Variants in PLAU observed in about 807,000 individuals in gnomAD.
PLAU encodes the protein plasminogen activator, urokinase.
A neutral mutation model predicts 48.9 loss-of-function variants in PLAU; 32 were observed. That is an observed-to-expected ratio of 0.65 (90% CI 0.49 to 0.88). PLAU has a LOEUF of 0.88. Ranked by LOEUF, PLAU falls within the 40% of genes least tolerant of loss-of-function variation. The probability of loss-of-function intolerance (pLI) is 0.00; values close to 1 mark genes in which losing one functional copy is unlikely to be tolerated. For missense variants in PLAU, 455 were observed against 545.2 expected (o/e 0.83, Z 1.65); for synonymous variants, 199 against 205.7 (o/e 0.97, Z 0.28).
chr10:73,915,461 T>C lies in PLAU; in HGVS notation c.1119+62T>C, dbSNP rs2227583. 8.3e-3 allele frequency: 12,337 copies of C among 1,488,076 alleles called. 114 individuals carry two copies. Among genetic ancestry groups the C allele is most frequent in the Middle Eastern group, 0.043 (173 of 3,994 alleles). The allele number at this position is 1,488,076 out of a possible 1,614,324, so 92.2% of individuals were successfully genotyped here. On this transcript the variant is annotated intron_variant, in intron 10 of 10. Transcript: ENST00000372764. ...ATCTCCCCAGAGCTCCTGGGCTTGT[T>C]CCAGCCAGCTTAAGGGTGTCTCTCT... is the stretch of plus-strand genomic sequence containing the variant.
upstream of PLAU, chr10:73,910,506 C>G (rs1035779802): frequency 6.6e-6 from 1 of 152,264 alleles, no homozygotes; most frequent in Non-Finnish European, 1.5e-5. Flanking sequence ...TGCCTTTCCC[C>G]CTCTGATAGC....
chr10:73,915,487 C>G, intron 10 of PLAU, 88 bp downstream of exon 10: 2 of 1,287,204 alleles, frequency 1.6e-6, no homozygotes, highest in Admixed American at 2.5e-5. Context: ...GTGTCTCTCT[C>G]TAGCCAAAGC....
rs199700503 is a variant in PLAU, at chr10:73,916,521, T to G, written c.1252T>G (p.Trp418Gly). 6.2e-7 allele frequency: 1 copy of G among 1,613,850 alleles called. No homozygotes were observed. Among genetic ancestry groups the G allele is most frequent in the Non-Finnish European group, 8.5e-7 (1 of 1,179,918 alleles). ...CACGAGAGTCTCACACTTCTTACCC[T>G]GGATCCGCAGTCACACCAAGGAAGA... ...VYTRVSHFLP[W>G]IRSHTKEENG... Residue 418 changes from tryptophan to glycine, a missense_variant, in exon 11 of 11, where the codon TGG becomes GGG. Transcript: ENST00000372764.
chr10:73,915,118 G>T, intron 9 of PLAU, 133 bp from the exon 10 acceptor site: 1 of 1,097,048 alleles, frequency 9.1e-7, no homozygotes, highest in Non-Finnish European at 1.3e-6. Context: ...TATAGGTGGA[G>T]TAAAGGCTCA....
upstream of PLAU, chr10:73,911,127 G>C (rs2096122803): frequency 4.9e-6 from 1 of 203,834 alleles, no homozygotes; most frequent in African/African-American, 2.4e-5. Flanking sequence ...GCCGCGGGTC[G>C]CAGCACAGTG....
chr10:73,911,381 G>A, intron 1 of PLAU, 144 bp from the exon 2 acceptor site: 3 of 907,144 alleles, frequency 3.3e-6, no homozygotes, highest in Non-Finnish European at 5.2e-6. Flanking sequence ...TGCCGATCCA[G>A]GCTGCCCGGA....
upstream of PLAU, among the ~76,000 whole-genome samples, chr10:73,909,459 T>G (rs2096120407): frequency 6.6e-6 from 1 of 152,234 alleles, no homozygotes; most frequent in South Asian, 2.1e-4. Flanking sequence ...CCTGGAAGGC[T>G]GGCAGCTCAG....
chr10:73,911,671 A>G (rs1456356167), intron 2 of PLAU, 59 bp downstream of exon 2: 1 of 1,603,834 alleles, frequency 6.2e-7, no homozygotes, highest in Admixed American at 1.7e-5. Flanking sequence ...GCACCAGGGG[A>G]GAGGAGGGGC....
chr10:73,915,491 C>T (rs2136191377), intron 10 of PLAU, 92 bp downstream of exon 10: 1 of 1,267,190 alleles, frequency 7.9e-7, no homozygotes, highest in South Asian at 1.5e-5. Flanking sequence ...CTCTCTCTAG[C>T]CAAAGCCCTA....
In PLAU at chr10:73,913,105, T is replaced by TG. The variant is rs771785034; in HGVS notation, c.368+12dup. The stretch of plus-strand genomic sequence containing the variant: ...GGAAACATAATTACTGCAGGTGAGG[T>TG]GGGGGCAACAAGGACCAAAAGCCCT... On this transcript the variant is annotated splice_region_variant and intron_variant, in intron 5 of 10. Transcript: ENST00000372764. The TG allele has an allele frequency of 1.2e-6, 2 of 1,612,274 alleles. No individual in the cohort carries two copies. The highest frequency in any genetic ancestry group is 3.4e-5 in the Admixed American group (2 of 59,698).
At chr10:73,916,249 G>A (rs370446684) in intron 10 of PLAU, 140 bp from the exon 11 acceptor site, 43 of 770,192 alleles carry the variant, frequency 5.6e-5, no homozygotes, top group Middle Eastern at 3.4e-4. Flanking sequence ...TCCTCCCCCC[G>A]AAAAAAAGAA....
intron 10 of PLAU, among the ~76,000 whole-genome samples, chr10:73,915,959 G>A (rs565284834): frequency 7.9e-5 from 12 of 152,288 alleles, no homozygotes; most frequent in East Asian, 5.8e-4. Context: ...ATGGGGCTGC[G>A]TCAGGCACAG....
chr10:73,916,121 G>A (rs1329284457), intron 10 of PLAU, among the ~76,000 whole-genome samples: 1 of 152,176 alleles, frequency 6.6e-6, no homozygotes, highest in Non-Finnish European at 1.5e-5. Context: ...GTGCCTGCCT[G>A]TAATCCCAGC....
chr10:73,916,676 A>G lies in PLAU; in HGVS notation c.*111A>G. ...GAGACTGGGAAGATAGGCTCTGCAC[A>G]GATGGATTTGCCTGTGCCACCCACC... is the stretch of plus-strand genomic sequence containing the variant. On this transcript the variant is annotated 3_prime_UTR_variant, in exon 11 of 11. Coordinates refer to ENST00000372764, the MANE Select transcript of PLAU (RefSeq NM_002658.6). 1.1e-6 allele frequency: 1 copy of G among 905,206 alleles called. No individual in the cohort carries two copies. The allele number at this position is 905,206 out of a possible 1,614,324, so 56.1% of individuals were successfully genotyped here. A position where few individuals can be genotyped will look rare whatever the true frequency, so the allele number is the denominator to read the frequency against.
Position 73,913,698 on chromosome 10 carries a change from A to C in PLAU, c.620A>C (p.Tyr207Ser). The C allele has an allele frequency of 1.2e-6, 2 of 1,613,166 alleles. No individual in the cohort carries two copies. The highest frequency in any genetic ancestry group is 1.7e-5 in the Admixed American group (1 of 59,886). The change falls in exon 7 of 11, where the codon TAC (tyrosine) becomes TCC (serine). Residue 207 changes from tyrosine (Y) to serine (S), a missense_variant. Transcript: ENST00000372764. Reference sequence around the variant, plus strand: ...AGGCACCGGGGGGGCTCTGTCACCTACGTGTGTGGAGGCAGCCTCATCAGC... The same window carrying C: ...AGGCACCGGGGGGGCTCTGTCACCTCCGTGTGTGGAGGCAGCCTCATCAGC... ...YRRHRGGSVT[Y>S]VCGGSLISPC...
rs1279440114 is a variant in PLAU, at chr10:73,913,596, T to C, written c.518T>C (p.Leu173Pro). Residue 173 changes from leucine (L) to proline (P), a missense_variant, in exon 7 of 11, where the codon CTG (leucine) becomes CCG (proline). By Grantham distance (98) the Leu-to-Pro change is moderately conservative. Transcript: ENST00000372764. ...AAATTTCAGTGTGGCCAAAAGACTC[T>C]GAGGCCCCGCTTTAAGATTATTGGG... Reference protein sequence around the residue: ...ELKFQCGQKTLRPRFKIIGGE... With the variant: ...ELKFQCGQKTPRPRFKIIGGE... 2 of 1,613,966 alleles carry C rather than the reference T, an allele frequency of 1.2e-6. No individual in the cohort carries two copies. The highest frequency in any genetic ancestry group is 1.7e-6 in the Non-Finnish European group (2 of 1,179,962).
chr10:73,916,667 G>A lies in PLAU; in HGVS notation c.*102G>A. 1 of 937,240 alleles carries A rather than the reference G, an allele frequency of 1.1e-6. No homozygotes were observed. Among genetic ancestry groups the A allele is most frequent in the East Asian group, 2.6e-5 (1 of 38,170 alleles). 58.1% of individuals were successfully genotyped at this position (937,240 alleles called of 1,614,324 possible). ...CTGTAAGAAGAGACTGGGAAGATAG[G>A]CTCTGCACAGATGGATTTGCCTGTG... On this transcript the variant is annotated 3_prime_UTR_variant, in exon 11 of 11. Transcript: ENST00000372764.
rs558920700 is a variant in PLAU, at chr10:73,915,333, C to T, written c.1053C>T (p.Tyr351=). The change falls in exon 10 of 11, where the codon TAC becomes TAT. Residue 351 remains tyrosine, a synonymous_variant. Coordinates refer to ENST00000372764, the MANE Select transcript of PLAU (RefSeq NM_002658.6). The stretch of plus-strand genomic sequence containing the variant: ...GGGAGTGTCAGCAGCCCCACTACTA[C>T]GGCTCTGAAGTCACCACCAAAATGC... ...SHRECQQPHY[Y]GSEVTTKMLC... 3.7e-5 allele frequency: 59 copies of T among 1,613,910 alleles called. No individual in the cohort carries two copies. Among genetic ancestry groups the T allele is most frequent in the South Asian group, 7.7e-5 (7 of 91,060 alleles).
rs1423565583 is a variant in PLAU at position 73,914,826 on chromosome 10, A to G, written c.880A>G (p.Thr294Ala). 2 of 1,614,128 alleles carry G rather than the reference A, an allele frequency of 1.2e-6. No homozygotes were observed. The highest frequency in any genetic ancestry group is 2.2e-5 in the South Asian group (2 of 91,082). ...GGGCAGGTGTGCGCAGCCATCCCGG[A>G]CTATACAGACCATCTGCCTGCCCTC... ...KEGRCAQPSR[T>A]IQTICLPSMY... Residue 294 changes from threonine to alanine, a missense_variant, in exon 9 of 11, where the codon ACT becomes GCT. Physicochemically the swap from Thr to Ala is moderately conservative, Grantham distance 58. Coordinates refer to ENST00000372764, the MANE Select transcript of PLAU (RefSeq NM_002658.6).
Sources: allele counts gnomAD v4.1 joint callset (sites outside exome capture counted in the v4.1 genomes callset), GRCh38; gene constraint gnomAD v4.1.1; transcripts MANE v1.5; gene names NCBI Gene and HGNC (gene_info 2026-07-23, HGNC 2026-07-21).